Variants in SPMAP2L observed in about 807,000 individuals in gnomAD.
SPMAP2L encodes sperm microtubule associated protein 2-like.
chr4:56,564,157 A>G, the SPMAP2L span, among the ~76,000 whole-genome samples: 2 of 139,782 alleles, frequency 1.4e-5, no homozygotes, highest in Admixed American at 7.4e-5. Context: ...TTTTTGAGAC[A>G]TGGTCTCACT....
chr4:56,531,115 T>C, the SPMAP2L span: 23 of 1,535,176 alleles, frequency 1.5e-5, no homozygotes, highest in African/African-American at 2.3e-4. Flanking sequence ...AGTAATGATC[T>C]CCCCCTCTCT....
the SPMAP2L span, among the ~76,000 whole-genome samples, chr4:56,537,234 G>A: frequency 1.3e-5 from 2 of 151,928 alleles, no homozygotes; most frequent in Non-Finnish European, 2.9e-5. Flanking sequence ...GAATTCTTGC[G>A]GGCTCTGTCC....
chr4:56,593,146 A>G, the SPMAP2L span: 4 of 1,572,630 alleles, frequency 2.5e-6, no homozygotes, highest in Admixed American at 3.3e-5. Flanking sequence ...AGTATACTCC[A>G]TACCAGCCTG....
chr4:56,614,745 C>A, the SPMAP2L span, among the ~76,000 whole-genome samples: 1 of 152,150 alleles, frequency 6.6e-6, no homozygotes, highest in Non-Finnish European at 1.5e-5. Flanking sequence ...AGGCATGGCA[C>A]AGGGTATATA....
chr4:56,547,216 A>G, the SPMAP2L span, among the ~76,000 whole-genome samples: 1 of 151,382 alleles, frequency 6.6e-6, no homozygotes, highest in African/African-American at 2.4e-5. Flanking sequence ...ACATGTATAC[A>G]CTAATCTTGT....
At chr4:56,587,660 A>G in the SPMAP2L span, among the ~76,000 whole-genome samples, 5 of 152,056 alleles carry the variant, frequency 3.3e-5, no homozygotes, top group African/African-American at 1.2e-4. Flanking sequence ...ATTCCTTTTT[A>G]TGGCTGAGTA....
chr4:56,583,084 C>T, the SPMAP2L span, among the ~76,000 whole-genome samples: 5 of 152,102 alleles, frequency 3.3e-5, no homozygotes, highest in South Asian at 1.0e-3. Flanking sequence ...AACAGCCTGG[C>T]CAACATGGTG....
chr4:56,616,037 A>G, the SPMAP2L span, among the ~76,000 whole-genome samples: 1 of 152,168 alleles, frequency 6.6e-6, no homozygotes, highest in African/African-American at 2.4e-5. Flanking sequence ...CTTGAGAGTG[A>G]GCATTTCTAA....
the SPMAP2L span, chr4:56,593,661 C>G: frequency 1.9e-6 from 3 of 1,603,898 alleles, no homozygotes; most frequent in Non-Finnish European, 2.6e-6. Context: ...GCATTTTTTG[C>G]CGTCCGAGAA....
the SPMAP2L span, among the ~76,000 whole-genome samples, chr4:56,599,749 C>T: frequency 6.6e-6 from 1 of 152,166 alleles, no homozygotes; most frequent in African/African-American, 2.4e-5. Flanking sequence ...TTTTTTATGG[C>T]TGCATAGTAT....
At chr4:56,555,585 C>G in the SPMAP2L span, among the ~76,000 whole-genome samples, 3 of 152,104 alleles carry the variant, frequency 2.0e-5, no homozygotes. Context: ...TCTTCCTATC[C>G]ATGAATATTG....
the SPMAP2L span, chr4:56,593,986 CT>C: frequency 6.2e-7 from 1 of 1,610,322 alleles, no homozygotes; most frequent in African/African-American, 1.3e-5. Context: ...TTCAGTGTGG[CT>C]GCTCAGTGAA....
At chr4:56,594,114 G>A in the SPMAP2L span, 139 of 1,606,934 alleles carry the variant, frequency 8.7e-5, 1 homozygote, top group African/African-American at 2.3e-4. Flanking sequence ...GATTTGTTGC[G>A]GATCTTTGTT....
the SPMAP2L span, among the ~76,000 whole-genome samples, chr4:56,558,293 A>T: frequency 1.3e-5 from 2 of 152,044 alleles, no homozygotes; most frequent in African/African-American, 4.8e-5. Context: ...TTGACTGTAG[A>T]GTCTCTGCTG....
At chr4:56,584,603 T>A in the SPMAP2L span, 1 of 1,533,860 alleles carries the variant, frequency 6.5e-7, no homozygotes, top group Non-Finnish European at 8.7e-7. Flanking sequence ...CTATCATCCT[T>A]CAAAAAAAGT....
the SPMAP2L span, among the ~76,000 whole-genome samples, chr4:56,623,254 T>C: frequency 5.3e-5 from 8 of 152,196 alleles, no homozygotes; most frequent in African/African-American, 1.9e-4. Context: ...TCCTTTTTTC[T>C]TTTTACCCCC....
the SPMAP2L span, among the ~76,000 whole-genome samples, chr4:56,592,509 C>T: frequency 2.0e-5 from 3 of 152,242 alleles, no homozygotes; most frequent in Non-Finnish European, 2.9e-5. Context: ...ATTCATTGCC[C>T]GCGAGCGTCC....
At chr4:56,536,008 C>G in the SPMAP2L span, among the ~76,000 whole-genome samples, 8 of 152,246 alleles carry the variant, frequency 5.3e-5, no homozygotes, top group Non-Finnish European at 1.2e-4. Flanking sequence ...CATGCGCACG[C>G]GCAGTTCACG....
the SPMAP2L span, among the ~76,000 whole-genome samples, chr4:56,588,977 G>A: frequency 1.3e-5 from 2 of 151,786 alleles, no homozygotes; most frequent in African/African-American, 2.4e-5. Context: ...TTTTCCATTG[G>A]TCTCTGTGCC....
Sources: gnomAD v4.1 joint callset for allele counts (sites outside exome capture counted in the v4.1 genomes callset) on GRCh38, gnomAD v4.1.1 for gene constraint, MANE v1.5 for transcripts, NCBI Gene and HGNC (gene_info 2026-07-23, HGNC 2026-07-21) for gene names.